Variants in ZDHHC15 observed in about 807,000 individuals in gnomAD.
The protein encoded by ZDHHC15 is zDHHC palmitoyltransferase 15.
A neutral mutation model predicts 31.7 loss-of-function variants in ZDHHC15; 19 were observed. The ratio of observed to expected loss-of-function variants is 0.60; its 90% CI spans 0.42 to 0.88. ZDHHC15 has a LOEUF of 0.88. Among genes scored for constraint, ZDHHC15 ranks in the 40% least tolerant of loss-of-function variants. The pLI is 0.00. For synonymous variants in ZDHHC15, 103 were observed against 90.0 expected (o/e 1.14, Z -0.82); for missense variants, 209 against 251.2 (o/e 0.83, Z 1.14).
At chrX:75,481,377 A>C (rs752421000) in intron 2 of ZDHHC15, among the ~76,000 whole-genome samples, 2 of 111,707 alleles carry the variant, frequency 1.8e-5, no homozygotes, top group Non-Finnish European at 1.9e-5. Flanking sequence ...CATTAACTGT[A>C]TTTTTAATTC....
At chrX:75,407,757 T>C (rs889070664) in intron 10 of ZDHHC15, among the ~76,000 whole-genome samples, 1 of 113,052 alleles carries the variant, frequency 8.8e-6, no homozygotes, top group African/African-American at 3.2e-5. Context: ...ATGGCAGTTT[T>C]GTCAAATAGA....
At chrX:75,459,249 A>G (rs1385525350) in intron 3 of ZDHHC15, among the ~76,000 whole-genome samples, 7 of 110,757 alleles carry the variant, frequency 6.3e-5, no homozygotes, top group Non-Finnish European at 1.3e-4. Flanking sequence ...AAGGTGGGAG[A>G]TCCATTTGTA....
intron 1 of ZDHHC15, among the ~76,000 whole-genome samples, chrX:75,508,710 G>A (rs2085210673): frequency 9.0e-6 from 1 of 110,915 alleles, no homozygotes; most frequent in Non-Finnish European, 1.9e-5. Flanking sequence ...CTAGATCCTT[G>A]AGGAATGGCC....
intron 10 of ZDHHC15, among the ~76,000 whole-genome samples, chrX:75,412,926 G>A (rs1223284332): frequency 9.0e-6 from 1 of 111,681 alleles, no homozygotes; most frequent in Non-Finnish European, 1.9e-5. Flanking sequence ...TGGGGGAAAT[G>A]TAGGCCAAAG....
intron 10 of ZDHHC15, among the ~76,000 whole-genome samples, chrX:75,384,089 C>A (rs1183597256): frequency 9.0e-6 from 1 of 111,208 alleles, no homozygotes; most frequent in Non-Finnish European, 1.9e-5. Flanking sequence ...CTATTATATA[C>A]TTGGTCAACC....
At chrX:75,403,852 A>G (rs1160444383) in intron 10 of ZDHHC15, among the ~76,000 whole-genome samples, 1 of 111,982 alleles carries the variant, frequency 8.9e-6, no homozygotes. Flanking sequence ...TACCAGTGTC[A>G]TTTTTCACTT....
chrX:75,425,993 C>T (rs976309372), intron 7 of ZDHHC15, among the ~76,000 whole-genome samples: 1 of 111,330 alleles, frequency 9.0e-6, no homozygotes, highest in African/African-American at 3.3e-5. Flanking sequence ...GGCAGAGCAG[C>T]CCAGCAAAGA....
Position 75,369,980 on chromosome X carries a change from T to G in ZDHHC15, c.*2998A>C, listed in dbSNP as rs2147737879. On this transcript the variant is annotated 3_prime_UTR_variant, in exon 12 of 12. Transcript: ENST00000373367. ...GCTGTACCATGGGGAACAATTTTTT[T>G]ATTCTGTCTCTTTCTGAGGACGCTG... 1 of 111,773 alleles carries G rather than the reference T, an allele frequency of 8.9e-6. No individual in the cohort carries two copies. The highest frequency in any genetic ancestry group is 3.3e-5 in the African/African-American group (1 of 30,733). 9.2% of individuals were successfully genotyped at this position (111,773 alleles called of 1,213,427 possible). A position where few individuals can be genotyped will look rare whatever the true frequency, so the allele number is the denominator to read the frequency against.
At chrX:75,447,679 G>C (rs1011625835) in intron 4 of ZDHHC15, among the ~76,000 whole-genome samples, 3 of 111,372 alleles carry the variant, frequency 2.7e-5, no homozygotes, top group Non-Finnish European at 5.7e-5. Context: ...GGAAATGGGA[G>C]TGGTACCACT....
intron 3 of ZDHHC15, among the ~76,000 whole-genome samples, chrX:75,467,511 CTTG>C (rs1169662619): frequency 8.9e-6 from 1 of 112,263 alleles, no homozygotes; most frequent in Non-Finnish European, 1.9e-5. Flanking sequence ...TTGGGATGTA[CTTG>C]GGTATTAAAG....
chrX:75,415,898 T>C (rs1416592855), intron 10 of ZDHHC15, among the ~76,000 whole-genome samples: 1 of 112,328 alleles, frequency 8.9e-6, no homozygotes, highest in Non-Finnish European at 1.9e-5. Flanking sequence ...TGTGAATTAT[T>C]TCAAACCAGG....
At chrX:75,436,503 C>T in intron 4 of ZDHHC15, among the ~76,000 whole-genome samples, 1 of 111,779 alleles carries the variant, frequency 8.9e-6, no homozygotes, top group Non-Finnish European at 1.9e-5. Flanking sequence ...CACTGTTTTG[C>T]TGTATCCCAG....
intron 2 of ZDHHC15, among the ~76,000 whole-genome samples, chrX:75,493,895 C>T (rs1304539884): frequency 3.6e-5 from 4 of 111,631 alleles, no homozygotes; most frequent in African/African-American, 6.5e-5. Context: ...CCCTCTCTCA[C>T]CACTCCTATT....
At chrX:75,490,404 C>G (rs1042255398) in intron 2 of ZDHHC15, among the ~76,000 whole-genome samples, 22 of 111,814 alleles carry the variant, frequency 2.0e-4, no homozygotes, top group Non-Finnish European at 5.6e-5. Context: ...AGCAGAAATT[C>G]TACAAGCCAG....
At chrX:75,377,256 G>T (rs1362273318) in intron 11 of ZDHHC15, among the ~76,000 whole-genome samples, 3 of 110,905 alleles carry the variant, frequency 2.7e-5, no homozygotes, top group Non-Finnish European at 5.7e-5. Context: ...CAACACTTTG[G>T]GAGGCCGAGG....
chrX:75,390,476 C>A (rs1314509121), intron 10 of ZDHHC15, among the ~76,000 whole-genome samples: 1 of 111,619 alleles, frequency 9.0e-6, no homozygotes, highest in African/African-American at 3.3e-5. Context: ...TTGTGTTACC[C>A]CTCTCCTAGC....
rs1249538673 is a variant in ZDHHC15, at chrX:75,370,227, A to T, written c.*2751T>A. ...CTAACAATGAGTATCTTCATTTTGC[A>T]AACGGAGAAAATGAGTATCAACAAT... On this transcript the variant is annotated 3_prime_UTR_variant, in exon 12 of 12. Coordinates refer to ENST00000373367, the MANE Select transcript of ZDHHC15 (RefSeq NM_144969.3). 3 of 111,792 alleles carry T rather than the reference A, an allele frequency of 2.7e-5. No individual in the cohort carries two copies. The highest frequency in any genetic ancestry group is 9.8e-5 in the African/African-American group (3 of 30,733). The allele number at this position is 111,792 out of a possible 1,213,427, so 9.2% of individuals were successfully genotyped here.
intron 4 of ZDHHC15, among the ~76,000 whole-genome samples, chrX:75,432,532 A>G (rs1214151418): frequency 2.7e-5 from 3 of 111,821 alleles, no homozygotes; most frequent in African/African-American, 6.5e-5. Flanking sequence ...GTCCTTTTGC[A>G]TATTTTAAAA....
At chrX:75,497,700 A>G (rs2085023689) in intron 2 of ZDHHC15, among the ~76,000 whole-genome samples, 1 of 111,740 alleles carries the variant, frequency 8.9e-6, no homozygotes. Context: ...ATGATACACC[A>G]TATAAATGGA....
Sources: gnomAD v4.1 joint callset for allele counts (sites outside exome capture counted in the v4.1 genomes callset) on GRCh38, gnomAD v4.1.1 for gene constraint, MANE v1.5 for transcripts, NCBI Gene and HGNC (gene_info 2026-07-23, HGNC 2026-07-21) for gene names.